Variants in ARHGEF12 observed in about 807,000 individuals in gnomAD.
ARHGEF12 encodes KMT2A/ARHGEF12 fusion protein.
Under a neutral mutation model 211.2 loss-of-function variants are expected in ARHGEF12, and 66 were observed. The observed-to-expected ratio is 0.31, with a 90% confidence interval of 0.26 to 0.38. The LOEUF is 0.38. ARHGEF12 is among the 10% of genes least tolerant of loss of function. The pLI is 1.00. For missense variants in ARHGEF12, 1,429 were observed against 1,869.5 expected, an observed-to-expected ratio of 0.76 and a Z score of 4.34; for synonymous variants, 592 against 638.4, an observed-to-expected ratio of 0.93 and a Z score of 1.09.
chr11:120,448,403 G>C, intron 20 of ARHGEF12, 55 bp downstream of exon 20: 1 of 1,334,446 alleles, frequency 7.5e-7, no homozygotes. Flanking sequence ...CTTTACATTT[G>C]GTTGCAGTGT....
chr11:120,380,892 T>A (rs1197575202), intron 1 of ARHGEF12, among the ~76,000 whole-genome samples: 1 of 152,210 alleles, frequency 6.6e-6, no homozygotes, highest in East Asian at 1.9e-4. Context: ...GTTTCTTTTC[T>A]TTTGCTTAAA....
At chr11:120,483,469 G>A (rs1240444587) in intron 39 of ARHGEF12, among the ~76,000 whole-genome samples, 1 of 150,736 alleles carries the variant, frequency 6.6e-6, no homozygotes, top group Non-Finnish European at 1.5e-5. Context: ...TGTCACCCAG[G>A]CTGGAGTGCA....
intron 1 of ARHGEF12, among the ~76,000 whole-genome samples, chr11:120,380,552 C>T (rs937355965): frequency 2.6e-5 from 4 of 152,120 alleles, no homozygotes; most frequent in Non-Finnish European, 4.4e-5. Flanking sequence ...TGCTGTTGCT[C>T]GGTATTAGAC....
chr11:120,442,289 G>A, intron 15 of ARHGEF12, 87 bp downstream of exon 15: 1 of 930,666 alleles, frequency 1.1e-6, no homozygotes, highest in East Asian at 2.9e-5. Flanking sequence ...CCATGTTTTT[G>A]GATTTTACTG....
chr11:120,441,666 G>C, intron 13 of ARHGEF12, 41 bp from the exon 14 acceptor site: 1 of 1,491,730 alleles, frequency 6.7e-7, no homozygotes, highest in South Asian at 1.1e-5. Flanking sequence ...TTTAGTATTT[G>C]TATGTTGGAG....
chr11:120,347,165 TTCCTTCCTTCCTTCCTTC>T (rs1942771177), intron 1 of ARHGEF12, among the ~76,000 whole-genome samples: 2 of 70,098 alleles, frequency 2.9e-5, no homozygotes, highest in Non-Finnish European at 5.3e-5. Context: ...CCTTCCTTCC[TTCCTTCCTTCCTTCCTTC>T]CTTTCTTTCT....
intron 4 of ARHGEF12, chr11:120,411,857 G>A (rs11607944): frequency 0.18 from 27,553 of 150,156 alleles, 2,875 homozygotes; most frequent in Non-Finnish European, 0.23. Flanking sequence ...ACAAAGTCTC[G>A]CCATGTTGCC....
rs892381112 is a variant in ARHGEF12, at chr11:120,423,869, G to A, written c.349-489G>A. On this transcript the variant is annotated intron_variant, in intron 6 of 40. Transcript: ENST00000397843. ...TTTGTTTGGTTTAATTCAGAATCGG[G>A]ATAACATTTTCTACATTTAGCCGGT... Among the ~76,000 whole-genome samples, 18 of 152,170 alleles carry A rather than the reference G, an allele frequency of 1.2e-4. No individual in the cohort carries two copies. The East Asian group carries it at 1.3e-3, about 11-fold the overall frequency.
intron 4 of ARHGEF12, 52 bp from the exon 5 acceptor site, chr11:120,420,701 T>C: frequency 1.4e-6 from 2 of 1,473,940 alleles, no homozygotes; most frequent in Non-Finnish European, 1.9e-6. Context: ...TATTGTCTTT[T>C]CCTTTCTCTG....
intron 1 of ARHGEF12, among the ~76,000 whole-genome samples, chr11:120,354,433 C>T (rs967987406): frequency 1.4e-4 from 22 of 152,166 alleles, no homozygotes; most frequent in Non-Finnish European, 1.5e-4. Flanking sequence ...CCATGGGGGT[C>T]CCACACACCC....
intron 1 of ARHGEF12, among the ~76,000 whole-genome samples, chr11:120,355,531 A>AT (rs1330131314): frequency 6.6e-6 from 1 of 152,112 alleles, no homozygotes; most frequent in Non-Finnish European, 1.5e-5. Context: ...CCAGCTATAA[A>AT]TTTTTTTGGA....
At chr11:120,438,539 A>T (rs1226096728) in intron 12 of ARHGEF12, 1 of 152,212 alleles carries the variant, frequency 6.6e-6, no homozygotes, top group African/African-American at 2.4e-5. Context: ...GAGACTCAAT[A>T]TGTAGTGTTG....
At chr11:120,429,979 A>G in intron 10 of ARHGEF12, 148 bp downstream of exon 10, 1 of 813,270 alleles carries the variant, frequency 1.2e-6, no homozygotes, top group South Asian at 2.8e-5. Flanking sequence ...TACAGAAGTA[A>G]TGATTAACAA....
Position 120,404,685 on chromosome 11 carries a change from C to T in ARHGEF12, c.33-1433C>T, listed in dbSNP as rs557528204. ...TCCCCCTGGATGTTGCAGTCCCTGA[C>T]GCAAGCAGCATTGTTTTAGGGTAGG... is the stretch of plus-strand genomic sequence containing the variant. On this transcript the variant is annotated intron_variant, in intron 1 of 40. Transcript: ENST00000397843. Among the ~76,000 whole-genome samples, 21 of 152,228 alleles carry T rather than the reference C, an allele frequency of 1.4e-4. No individual in the cohort carries two copies. In the South Asian group the frequency reaches 3.9e-3, roughly 29 times the overall value.
In ARHGEF12 at chr11:120,428,084, C is replaced by T. The variant is rs1399009224; in HGVS notation, c.422C>T (p.Ala141Val). 21 of 1,596,074 alleles carry T rather than the reference C, an allele frequency of 1.3e-5. No homozygotes were observed. The highest frequency in any genetic ancestry group is 1.8e-5 in the Non-Finnish European group (21 of 1,172,002). The change falls in exon 8 of 41, where the codon GCT becomes GTT. Residue 141 changes from alanine to valine, a missense_variant. By Grantham distance (64) the Ala-to-Val change is moderately conservative. Coordinates refer to ENST00000397843, the MANE Select transcript of ARHGEF12 (RefSeq NM_015313.3). ...CCACCCCAAGCTGGTTCCTATGTAG[C>T]TCTCACTGTTCAGGGACGCCCACCT... ...VKLIKSGSYV[A>V]LTVQGRPPGS...
intron 7 of ARHGEF12, among the ~76,000 whole-genome samples, chr11:120,427,208 G>GC (rs1445322250): frequency 4.6e-5 from 7 of 151,784 alleles, no homozygotes; most frequent in South Asian, 2.1e-4. Flanking sequence ...CTAGATTCCC[G>GC]CCCCCCGCAA....
At chr11:120,429,949 G>A (rs1945475616) in intron 10 of ARHGEF12, 118 bp downstream of exon 10, 4 of 1,110,104 alleles carry the variant, frequency 3.6e-6, no homozygotes, top group Non-Finnish European at 5.0e-6. Context: ...TAGGACAACA[G>A]GATGTCCTGT....
intron 4 of ARHGEF12, chr11:120,411,024 G>A (rs1156387575): frequency 6.6e-6 from 1 of 152,114 alleles, no homozygotes; most frequent in African/African-American, 2.4e-5. Flanking sequence ...TTTGGATGAA[G>A]ACTAACAATT....
rs1445003488 is a variant in ARHGEF12 at position 120,467,281 on chromosome 11, C to T, written c.2827C>T (p.Leu943=). Residue 943 remains leucine (L), a synonymous_variant, in exon 29 of 41, where the codon CTG becomes TTG. Coordinates refer to ENST00000397843, the MANE Select transcript of ARHGEF12 (RefSeq NM_015313.3). ...QMQRLTKYPL[L]LDNIAKYTEW... ...GCAAAGGCTTACTAAGTACCCACTT[C>T]TGTTGGATAATATTGCCAAATACAC... 1.2e-6 allele frequency: 2 copies of T among 1,612,330 alleles called. No individual in the cohort carries two copies. Among genetic ancestry groups the T allele is most frequent in the Admixed American group, 3.3e-5 (2 of 59,920 alleles).
Sources: gnomAD v4.1 joint callset for allele counts (sites outside exome capture counted in the v4.1 genomes callset) on GRCh38, gnomAD v4.1.1 for gene constraint, MANE v1.5 for transcripts, NCBI Gene and HGNC (gene_info 2026-07-23, HGNC 2026-07-21) for gene names.